The following IGF2BP2 variants were observed in gnomAD, a reference collection of about 807,000 sequenced individuals.
IGF2BP2 encodes insulin-like growth factor 2 mRNA-binding protein 2.
A neutral mutation model predicts 75.8 loss-of-function variants in IGF2BP2; 17 were observed. The ratio of observed to expected loss-of-function variants is 0.22; its 90% CI spans 0.15 to 0.34. IGF2BP2 has a LOEUF of 0.34. Ranked by LOEUF, IGF2BP2 falls within the 10% of genes least tolerant of loss-of-function variation. The probability of loss-of-function intolerance (pLI) is 1.00; values close to 1 mark genes in which losing one functional copy is unlikely to be tolerated. For missense variants in IGF2BP2, 516 were observed against 772.4 expected, an observed-to-expected ratio of 0.67 and a Z score of 3.93; for synonymous variants, 288 against 295.6, an observed-to-expected ratio of 0.97 and a Z score of 0.26.
At chr3:185,702,219 A>G (rs553546191) in intron 2 of IGF2BP2, among the ~76,000 whole-genome samples, 1 of 152,144 alleles carries the variant, frequency 6.6e-6, no homozygotes, top group Non-Finnish European at 1.5e-5. Context: ...GGCTGAGAAG[A>G]GCACTCCTGC....
At chr3:185,649,373 G>C (rs1714170815) in intron 14 of IGF2BP2, 30 bp downstream of exon 14, 1 of 1,610,414 alleles carries the variant, frequency 6.2e-7, no homozygotes, top group Non-Finnish European at 8.5e-7. Flanking sequence ...ATCTGACCCA[G>C]GTGATGAAGC....
chr3:185,647,869 T>C lies in IGF2BP2; in HGVS notation c.1594-731A>G, dbSNP rs1295389424. Among the ~76,000 whole-genome samples, 2 of 152,254 alleles carry C rather than the reference T, an allele frequency of 1.3e-5. No homozygotes were observed. The highest frequency in any genetic ancestry group is 4.8e-5 in the African/African-American group (2 of 41,466). ...GCCGAGCTCACAGGCGGGTTCAGCATGTGCTTTAGGGGAAACCTGAAAGTC... is the reference window on the plus strand; with the variant it reads ...GCCGAGCTCACAGGCGGGTTCAGCACGTGCTTTAGGGGAAACCTGAAAGTC... On this transcript the variant is annotated intron_variant, in intron 14 of 15. Transcript: ENST00000382199. This position sits in a 1 kb window ranked among gnomAD's most constrained non-coding sequence, Gnocchi z 4.9.
chr3:185,748,809 C>T (rs1306970940), intron 2 of IGF2BP2, among the ~76,000 whole-genome samples: 1 of 152,216 alleles, frequency 6.6e-6, no homozygotes, highest in East Asian at 1.9e-4. Flanking sequence ...TCTACAAGGT[C>T]CCCTTATCAG....
chr3:185,824,601 G>T (rs1280910612), intron 1 of IGF2BP2, among the ~76,000 whole-genome samples, 182 bp downstream of exon 1: 1 of 150,876 alleles, frequency 6.6e-6, no homozygotes, highest in Non-Finnish European at 1.5e-5. Flanking sequence ...GCTGTGGGGG[G>T]AGGGGAGCGG....
At chr3:185,785,343 A>G (rs867990669) in intron 2 of IGF2BP2, among the ~76,000 whole-genome samples, 5 of 151,416 alleles carry the variant, frequency 3.3e-5, no homozygotes, top group Non-Finnish European at 7.4e-5. Context: ...AAGAGCTTAT[A>G]TGGAGCTTTC....
intron 7 of IGF2BP2, among the ~76,000 whole-genome samples, chr3:185,686,028 A>C (rs1721077511): frequency 6.6e-6 from 1 of 152,314 alleles, no homozygotes; most frequent in South Asian, 2.1e-4. Flanking sequence ...TAAGAACTGT[A>C]TTTGTCATTC....
intron 2 of IGF2BP2, among the ~76,000 whole-genome samples, chr3:185,800,080 A>G (rs1041080862): frequency 5.3e-5 from 8 of 152,214 alleles, no homozygotes; most frequent in African/African-American, 1.9e-4. Flanking sequence ...CATATACACC[A>G]TGGAATACTA....
rs376432120 is a variant in IGF2BP2, at chr3:185,812,772, C to T, written c.239+10381G>A. On this transcript the variant is annotated intron_variant, in intron 2 of 15. Coordinates refer to ENST00000382199, the MANE Select transcript of IGF2BP2 (RefSeq NM_006548.6). ...GGTAAGAAGCCAGGATTCCCATGTA[C>T]GTACATCCATTCGTCCTTCCCATAA... 5.9e-5 allele frequency among the ~76,000 whole-genome samples: 9 copies of T among 152,304 alleles called. No individual in the cohort carries two copies. The South Asian group carries it at 6.2e-4, about 11-fold the overall frequency.
At chr3:185,653,590 G>A (rs1442222841) in intron 12 of IGF2BP2, among the ~76,000 whole-genome samples, 2 of 151,848 alleles carry the variant, frequency 1.3e-5, no homozygotes, top group Admixed American at 6.6e-5. Flanking sequence ...CACTGCCTGG[G>A]TGACAGAGCG....
intron 2 of IGF2BP2, among the ~76,000 whole-genome samples, chr3:185,819,057 A>G (rs577555305): frequency 1.3e-5 from 2 of 152,280 alleles, no homozygotes; most frequent in South Asian, 4.1e-4. Context: ...ATCAAGTATA[A>G]AAGGCTTTGT....
intron 15 of IGF2BP2, among the ~76,000 whole-genome samples, chr3:185,646,087 CT>C (rs1198168987): frequency 6.6e-5 from 10 of 152,214 alleles, no homozygotes; most frequent in African/African-American, 2.2e-4. Context: ...CACCTGTCCC[CT>C]CACCCAGCCT....
intron 2 of IGF2BP2, among the ~76,000 whole-genome samples, chr3:185,791,690 G>A (rs1736660322): frequency 6.7e-6 from 1 of 149,972 alleles, no homozygotes; most frequent in Admixed American, 6.6e-5. Flanking sequence ...GTAGGAAGAA[G>A]AGAGAGAAGA....
intron 2 of IGF2BP2, among the ~76,000 whole-genome samples, chr3:185,794,132 T>G (rs756229021): frequency 6.6e-6 from 1 of 151,722 alleles, no homozygotes; most frequent in African/African-American, 2.4e-5. Flanking sequence ...TAATTTTTTT[T>G]ATATGTATAT....
At chr3:185,737,260 T>C (rs1248761309) in intron 2 of IGF2BP2, among the ~76,000 whole-genome samples, 1 of 152,226 alleles carries the variant, frequency 6.6e-6, no homozygotes, top group Non-Finnish European at 1.5e-5. Context: ...TTTAAATTCC[T>C]TCCAATCTGT....
chr3:185,647,057 C>T lies in IGF2BP2; in HGVS notation c.1675G>A (p.Val559Ile), dbSNP rs759323959. Residue 559 changes from valine to isoleucine, a missense_variant, in exon 15 of 16, where the codon GTC becomes ATC. Physicochemically the swap from Val to Ile is conservative, Grantham distance 29. This residue lies in a region of IGF2BP2 where 129 missense variants were observed against 230.5 expected (regional missense o/e 0.56). Transcript: ENST00000382199. This position sits in a 1 kb window ranked among gnomAD's most constrained non-coding sequence, Gnocchi z 4.9. ...GCAAAGAAGTGCCCGATAATTCTGA[C>T]GATCACTTCCTCATTTTCATCTGGC... ...QTPDENEEVIVRIIGHFFASQ... is the reference protein window; with the variant it reads ...QTPDENEEVIIRIIGHFFASQ... The T allele has an allele frequency of 4.3e-6, 7 of 1,613,874 alleles. No individual in the cohort carries two copies. Among genetic ancestry groups the T allele is most frequent in the South Asian group, 1.1e-5 (1 of 91,080 alleles).
At chr3:185,796,103 T>C (rs1737336515) in intron 2 of IGF2BP2, among the ~76,000 whole-genome samples, 1 of 151,800 alleles carries the variant, frequency 6.6e-6, no homozygotes, top group Non-Finnish European at 1.5e-5. Flanking sequence ...CAGGGGAGAG[T>C]GGAATAGATA....
intron 2 of IGF2BP2, among the ~76,000 whole-genome samples, chr3:185,711,482 A>G (rs1160653578): frequency 6.6e-6 from 1 of 152,180 alleles, no homozygotes; most frequent in Admixed American, 6.5e-5. Flanking sequence ...TACAAAGACA[A>G]TGAACAGCAT....
intron 2 of IGF2BP2, among the ~76,000 whole-genome samples, chr3:185,759,499 A>T (rs1416053969): frequency 6.6e-6 from 1 of 152,216 alleles, no homozygotes; most frequent in Non-Finnish European, 1.5e-5. Context: ...GAGAAAGGAG[A>T]ATCAGGAGAA....
intron 2 of IGF2BP2, among the ~76,000 whole-genome samples, chr3:185,778,000 C>T (rs1734731780): frequency 6.6e-6 from 1 of 151,286 alleles, no homozygotes; most frequent in Admixed American, 6.6e-5. Context: ...GCCGAGATTG[C>T]AAGAGTGAGA....
Sources: allele counts gnomAD v4.1 joint callset (sites outside exome capture counted in the v4.1 genomes callset), GRCh38; gene constraint gnomAD v4.1.1; regional missense constraint gnomAD v4.1.1; non-coding constraint Gnocchi (gnomAD v3.1); transcripts MANE v1.5; gene names NCBI Gene and HGNC (gene_info 2026-07-23, HGNC 2026-07-21).